SCFD1: variants seen among roughly 807,000 people sequenced by gnomAD.
SCFD1 encodes the protein sec1 family domain-containing protein 1.
In SCFD1, 37 loss-of-function variants were observed where a neutral mutation model predicts 103.2. The observed-to-expected ratio is 0.36, with a 90% CI of 0.28 to 0.47. The LOEUF is 0.47. SCFD1 is among the 20% of genes least tolerant of loss of function. SCFD1 has a pLI of 1.00. For missense variants in SCFD1, 639 were observed against 761.2 expected (o/e 0.84, Z 1.89); for synonymous variants, 264 against 245.0 (o/e 1.08, Z -0.73).
At chr14:30,640,533 C>T (rs1225051897) in intron 6 of SCFD1, among the ~76,000 whole-genome samples, 2 of 152,040 alleles carry the variant, frequency 1.3e-5, no homozygotes, top group South Asian at 4.1e-4. Flanking sequence ...TAAAAACAAG[C>T]ATCTTTACTT....
At chr14:30,622,274 G>T, upstream of SCFD1, 1 of 1,583,488 alleles carries the variant, frequency 6.3e-7, no homozygotes, top group Non-Finnish European at 8.6e-7. Context: ...TTCCGGGGCG[G>T]TAAGGGCAGC....
chr14:30,667,397 A>G (rs1433650763), intron 10 of SCFD1, among the ~76,000 whole-genome samples: 2 of 152,144 alleles, frequency 1.3e-5, no homozygotes, highest in African/African-American at 2.4e-5. Context: ...GTATTGATGG[A>G]ACGTATCTCA....
intron 14 of SCFD1, among the ~76,000 whole-genome samples, chr14:30,689,727 CA>C (rs1890091545): frequency 2.3e-5 from 1 of 42,884 alleles, no homozygotes; most frequent in Non-Finnish European, 4.2e-5. Flanking sequence ...AAATTTTTTT[CA>C]AAGTTTTCAA....
rs2139044455 is a variant in SCFD1 at position 30,639,673 on chromosome 14, G to A, written c.436-104G>A. On this transcript the variant is annotated intron_variant, in intron 5 of 24. Transcript: ENST00000458591. ...ATTTTTAGTTATTGAATGTAATTAG[G>A]ATTTTTTTTCATTTCTACCATTGGT... The A allele has an allele frequency of 3.3e-6, 4 of 1,202,356 alleles. No homozygotes were observed. The East Asian group carries it at 1.2e-4, about 36-fold the overall frequency. The allele number at this position is 1,202,356 out of a possible 1,614,324, so 74.5% of individuals were successfully genotyped here.
At chr14:30,637,664 T>C (rs193235817) in intron 4 of SCFD1, among the ~76,000 whole-genome samples, 169 of 152,290 alleles carry the variant, frequency 1.1e-3, no homozygotes, top group African/African-American at 3.9e-3. Flanking sequence ...ATAACTTAAA[T>C]TGCACTACTT....
chr14:30,714,913 A>G (rs972523000), intron 19 of SCFD1, among the ~76,000 whole-genome samples: 3 of 152,348 alleles, frequency 2.0e-5, no homozygotes, highest in African/African-American at 4.8e-5. Context: ...TCTAAATTTG[A>G]CTTATGTTCA....
chr14:30,729,965 C>A (rs1382804127), intron 23 of SCFD1, among the ~76,000 whole-genome samples: 2 of 151,996 alleles, frequency 1.3e-5, no homozygotes, highest in African/African-American at 2.4e-5. Context: ...CCCATTAACT[C>A]ATCGTTTACG....
intron 19 of SCFD1, among the ~76,000 whole-genome samples, chr14:30,711,616 T>C (rs1891877478): frequency 6.6e-6 from 1 of 152,216 alleles, no homozygotes; most frequent in Non-Finnish European, 1.5e-5. Context: ...CATCATGTTG[T>C]ACACCCAAAA....
Position 30,696,981 on chromosome 14 carries a change from T to C in SCFD1, c.1339+2112T>C, listed in dbSNP as rs367849997. Among the ~76,000 whole-genome samples the C allele has an allele frequency of 7.2e-5, 11 of 152,254 alleles. No individual in the cohort carries two copies. In the East Asian group the frequency reaches 2.1e-3, roughly 29 times the overall value. On this transcript the variant is annotated intron_variant, in intron 15 of 24. Coordinates refer to ENST00000458591, the MANE Select transcript of SCFD1 (RefSeq NM_016106.4). ...AAAAATTAGAATGAACCCTGTAGTGTTGGATTGGAATTAGAGGTGTTGGTG... is the reference window on the plus strand; with the variant it reads ...AAAAATTAGAATGAACCCTGTAGTGCTGGATTGGAATTAGAGGTGTTGGTG...
At chr14:30,633,909 GAATAA>G (rs1884435309) in intron 3 of SCFD1, 33 bp from the exon 4 acceptor site, 1 of 1,208,618 alleles carries the variant, frequency 8.3e-7, no homozygotes, top group Non-Finnish European at 1.2e-6. Context: ...TTAAATAAGT[GAATAA>G]AAAAATAAGT....
At chr14:30,670,082 A>G in intron 10 of SCFD1, 174 bp from the exon 11 acceptor site, 1 of 557,332 alleles carries the variant, frequency 1.8e-6, no homozygotes, top group Non-Finnish European at 3.1e-6. Flanking sequence ...TACATCTAAT[A>G]CTTTCATTAA....
chr14:30,657,976 A>C, intron 10 of SCFD1: 1 of 402,436 alleles, frequency 2.5e-6, no homozygotes, highest in South Asian at 1.8e-5. Flanking sequence ...TGGTTAAAAA[A>C]AAAAAGAAAA....
intron 15 of SCFD1, among the ~76,000 whole-genome samples, chr14:30,696,808 T>A (rs1399753454): frequency 2.0e-5 from 3 of 151,620 alleles, no homozygotes; most frequent in Non-Finnish European, 2.9e-5. Context: ...TCAAGTGAAG[T>A]AAGAAGGGCA....
At chr14:30,719,663 C>T (rs1050342419) in intron 21 of SCFD1, among the ~76,000 whole-genome samples, 2 of 151,810 alleles carry the variant, frequency 1.3e-5, no homozygotes, top group African/African-American at 2.4e-5. Context: ...AGGGAAATTT[C>T]GATAACGTGT....
chr14:30,670,225 A>G, intron 10 of SCFD1, 31 bp from the exon 11 acceptor site: 1 of 1,523,510 alleles, frequency 6.6e-7, no homozygotes, highest in South Asian at 1.2e-5. Context: ...CTTAGAAAAC[A>G]GTTGTTTAAC....
In SCFD1 at chr14:30,631,092, G is replaced by A. The variant is rs547183417; in HGVS notation, c.221+527G>A. Among the ~76,000 whole-genome samples, 5 of 152,292 alleles carry A rather than the reference G, an allele frequency of 3.3e-5. No homozygotes were observed. In the South Asian group the frequency reaches 6.2e-4, roughly 19 times the overall value. On this transcript the variant is annotated intron_variant, in intron 3 of 24. Coordinates refer to ENST00000458591, the MANE Select transcript of SCFD1 (RefSeq NM_016106.4). ...AATAAAACCGGGCACGGTGGCTCAC[G>A]CCTGTAATCCCAGTACTTTGGGAGG...
intron 10 of SCFD1, among the ~76,000 whole-genome samples, chr14:30,666,777 T>C (rs1265279641): frequency 2.0e-5 from 3 of 152,184 alleles, no homozygotes; most frequent in Non-Finnish European, 4.4e-5. Context: ...TAAACACCTC[T>C]ATGCAAATAA....
intron 23 of SCFD1, among the ~76,000 whole-genome samples, chr14:30,723,892 T>C (rs779579522): frequency 1.3e-5 from 2 of 152,132 alleles, no homozygotes. Context: ...TAGAATGATT[T>C]ATATTATTTG....
intron 18 of SCFD1, among the ~76,000 whole-genome samples, chr14:30,706,472 C>T (rs918286117): frequency 3.3e-5 from 5 of 152,032 alleles, no homozygotes; most frequent in South Asian, 4.2e-4. Context: ...GGTTTTTATT[C>T]ATATGCTTGT....
Sources: allele counts gnomAD v4.1 joint callset (sites outside exome capture counted in the v4.1 genomes callset), GRCh38; gene constraint gnomAD v4.1.1; transcripts MANE v1.5; gene names NCBI Gene and HGNC (gene_info 2026-07-23, HGNC 2026-07-21).